The following IGSF5 variants were observed in gnomAD, a reference collection of about 807,000 sequenced individuals.
IGSF5 encodes the protein immunoglobulin superfamily member 5, also known as immunoglobulin superfamily 5 like.
Under a neutral mutation model 39.4 loss-of-function variants are expected in IGSF5, and 41 were observed. The ratio of observed to expected loss-of-function variants is 1.04; its 90% CI spans 0.81 to 1.35. The LOEUF is 1.35. Ranked by LOEUF, IGSF5 falls within the 40% of genes most tolerant of loss-of-function variation. The pLI, the probability that IGSF5 is intolerant of heterozygous loss-of-function variation, is 0.00. For synonymous variants in IGSF5, 183 were observed against 175.3 expected (o/e 1.04, Z -0.34); for missense variants, 487 against 494.6 (o/e 0.98, Z 0.15).
chr21:39,747,364 G>C (rs1296557827), intron 2 of IGSF5, among the ~76,000 whole-genome samples: 5 of 152,196 alleles, frequency 3.3e-5, no homozygotes, highest in African/African-American at 4.8e-5. Flanking sequence ...TCCCACAACA[G>C]GTGGGAATTA....
chr21:39,777,080 GA>G (rs1438421243), intron 4 of IGSF5, among the ~76,000 whole-genome samples: 1 of 152,206 alleles, frequency 6.6e-6, no homozygotes, highest in Admixed American at 6.5e-5. Flanking sequence ...AATGCAGCAA[GA>G]AATGCTGGTC....
chr21:39,752,352 T>A (rs1329590148), intron 2 of IGSF5, among the ~76,000 whole-genome samples: 1 of 152,218 alleles, frequency 6.6e-6, no homozygotes, highest in Non-Finnish European at 1.5e-5. Context: ...TATTCCTTTT[T>A]TTTTATGACT....
intron 2 of IGSF5, among the ~76,000 whole-genome samples, chr21:39,753,695 T>A (rs568021532): frequency 2.0e-5 from 3 of 152,308 alleles, no homozygotes; most frequent in Non-Finnish European, 4.4e-5. Flanking sequence ...TGTAATATCT[T>A]CTTGTTGGAT....
chr21:39,725,072 A>G, the IGSF5 span, among the ~76,000 whole-genome samples: 4 of 152,190 alleles, frequency 2.6e-5, no homozygotes, highest in Non-Finnish European at 5.9e-5. Flanking sequence ...ACTCAAGCGG[A>G]TGCTATTCTG....
At chr21:39,760,703 T>C (rs1479937010) in intron 2 of IGSF5, among the ~76,000 whole-genome samples, 2 of 152,132 alleles carry the variant, frequency 1.3e-5, no homozygotes, top group Non-Finnish European at 2.9e-5. Context: ...CCCGAGTAGC[T>C]GGGACTACAA....
At chr21:39,739,724 G>A in the IGSF5 span, among the ~76,000 whole-genome samples, 8 of 152,140 alleles carry the variant, frequency 5.3e-5, no homozygotes, top group Admixed American at 1.3e-4. Context: ...GGGTGCCTTC[G>A]ATGTCGTTAA....
At chr21:39,731,565 T>C in the IGSF5 span, among the ~76,000 whole-genome samples, 1 of 152,166 alleles carries the variant, frequency 6.6e-6, no homozygotes. Flanking sequence ...AACAAGGAAG[T>C]CTGAGATTTG....
At chr21:39,796,503 G>A (rs148193652) in intron 8 of IGSF5, among the ~76,000 whole-genome samples, 1 of 152,338 alleles carries the variant, frequency 6.6e-6, no homozygotes, top group Non-Finnish European at 1.5e-5. Flanking sequence ...GAGCCCAGGA[G>A]AGACAGCTGA....
intron 8 of IGSF5, among the ~76,000 whole-genome samples, chr21:39,796,721 T>G (rs1273921826): frequency 2.0e-5 from 3 of 152,178 alleles, no homozygotes; most frequent in African/African-American, 7.2e-5. Context: ...TTGCACTATT[T>G]TGCAGAAACC....
chr21:39,737,912 C>T, the IGSF5 span, among the ~76,000 whole-genome samples: 33 of 152,122 alleles, frequency 2.2e-4, no homozygotes, highest in African/African-American at 6.5e-4. Flanking sequence ...GGCTAGAGTT[C>T]GGCTATGGGA....
intron 5 of IGSF5, among the ~76,000 whole-genome samples, chr21:39,786,214 A>G (rs2086918485): frequency 6.6e-6 from 1 of 152,136 alleles, no homozygotes; most frequent in African/African-American, 2.4e-5. Context: ...CTCATCTGAC[A>G]AAGGGCTAAT....
chr21:39,773,168 C>T (rs566494295), intron 4 of IGSF5, among the ~76,000 whole-genome samples: 127 of 152,232 alleles, frequency 8.3e-4, no homozygotes, highest in African/African-American at 2.9e-3. Flanking sequence ...GTGTTGTTCC[C>T]CTCTATGTAT....
intron 6 of IGSF5, among the ~76,000 whole-genome samples, chr21:39,788,628 A>G (rs2146292387): frequency 6.6e-6 from 1 of 152,350 alleles, no homozygotes; most frequent in East Asian, 1.9e-4. Flanking sequence ...GTCCAGGCAG[A>G]CAAATTAGGC....
At chr21:39,728,612 G>T in the IGSF5 span, among the ~76,000 whole-genome samples, 1 of 152,056 alleles carries the variant, frequency 6.6e-6, no homozygotes, top group Non-Finnish European at 1.5e-5. Flanking sequence ...TTCCTCTCTC[G>T]TGCTCCCGGG....
chr21:39,727,097 C>T, the IGSF5 span, among the ~76,000 whole-genome samples: 25 of 152,008 alleles, frequency 1.6e-4, no homozygotes, highest in Admixed American at 9.8e-4. Context: ...TCAGGACACA[C>T]GGGTCTGGAA....
chr21:39,745,873 T>C (rs1415428900), intron 1 of IGSF5, among the ~76,000 whole-genome samples: 2 of 150,166 alleles, frequency 1.3e-5, no homozygotes, highest in African/African-American at 4.9e-5. Flanking sequence ...CCAATATTAC[T>C]CACTGCTTTG....
At chr21:39,784,851 C>T (rs2080189965) in intron 5 of IGSF5, among the ~76,000 whole-genome samples, 1 of 152,158 alleles carries the variant, frequency 6.6e-6, no homozygotes, top group Non-Finnish European at 1.5e-5. Flanking sequence ...CTGCTGCTAT[C>T]CAGAGATTTC....
At chr21:39,775,519 A>G (rs2080135251) in intron 4 of IGSF5, among the ~76,000 whole-genome samples, 1 of 152,152 alleles carries the variant, frequency 6.6e-6, no homozygotes, top group Non-Finnish European at 1.5e-5. Context: ...ACCTTTTTAA[A>G]ACTCTATGCA....
chr21:39,796,435 G>T (rs1294384834), intron 8 of IGSF5, among the ~76,000 whole-genome samples: 1 of 152,224 alleles, frequency 6.6e-6, no homozygotes, highest in African/African-American at 2.4e-5. Context: ...AAACAATGCA[G>T]TCGTGCCTTC....
Sources: gnomAD v4.1 joint callset for allele counts (sites outside exome capture counted in the v4.1 genomes callset) on GRCh38, gnomAD v4.1.1 for gene constraint, MANE v1.5 for transcripts, NCBI Gene and HGNC (gene_info 2026-07-23, HGNC 2026-07-21) for gene names.